The following CEP162 variants were observed in gnomAD, a reference collection of about 807,000 sequenced individuals.
CEP162 encodes centrosomal protein 162, also known as centrosomal protein of 162 kDa.
A neutral mutation model predicts 169.2 loss-of-function variants in CEP162; 141 were observed. The ratio of observed to expected loss-of-function variants is 0.83; its 90% confidence interval spans 0.73 to 0.96. CEP162 has a LOEUF of 0.96. Ranked by LOEUF, CEP162 falls within the 40% of genes least tolerant of loss-of-function variation. The pLI, the probability that CEP162 is intolerant of heterozygous loss-of-function variation, is 0.00. For missense variants in CEP162, 1,600 were observed against 1,587.2 expected (o/e 1.01, Z -0.14); for synonymous variants, 540 against 526.4 (o/e 1.03, Z -0.35).
In CEP162 at chr6:84,152,969, C is replaced by T. The variant is rs2099521712; in HGVS notation, c.3205G>A (p.Glu1069Lys). 1 of 1,613,602 alleles carries T rather than the reference C, an allele frequency of 6.2e-7. No individual in the cohort carries two copies. The highest frequency in any genetic ancestry group is 1.1e-5 in the South Asian group (1 of 91,064). ...LDVKKNDKDD[E>K]DFQSIEFQVE... ...TGGAATTCTATAGACTGAAAATCTT[C>T]ATCATCTTTATCATTTTTCTTGACG... Residue 1069 changes from glutamate (E) to lysine (K), a missense_variant, in exon 23 of 27, where the codon GAA becomes AAA. Coordinates refer to ENST00000403245, the MANE Select transcript of CEP162 (RefSeq NM_014895.4).
intron 25 of CEP162, among the ~76,000 whole-genome samples, chr6:84,135,386 C>T (rs563211047): frequency 7.9e-5 from 12 of 152,276 alleles, no homozygotes; most frequent in African/African-American, 2.9e-4. Context: ...AGACAGATAT[C>T]ACTGACTGCT....
Position 84,125,255 on chromosome 6 carries a change from C to A in CEP162, c.4027G>T (p.Val1343Leu). ...TCTTTGTTTTGCTCAGTTTCTACTA[C>A]TTGGTGTGTTTGCTGTATTATCTGC... ...LQQIIQQTHQ[V>L]VETEQNKEVE... is the part of the protein sequence containing the mutation. Residue 1343 changes from valine (V) to leucine (L), a missense_variant, in exon 27 of 27, where the codon GTA (valine) becomes TTA (leucine). By Grantham distance (32) the Val-to-Leu change is conservative. Transcript: ENST00000403245. 6.2e-7 allele frequency: 1 copy of A among 1,613,334 alleles called. No individual in the cohort carries two copies. The highest frequency in any genetic ancestry group is 8.5e-7 in the Non-Finnish European group (1 of 1,179,552).
intron 11 of CEP162, among the ~76,000 whole-genome samples, chr6:84,190,449 C>T (rs1024428875): frequency 3.9e-5 from 6 of 152,152 alleles, no homozygotes; most frequent in Admixed American, 6.5e-5. Flanking sequence ...TTCTTTCGCT[C>T]TTTGCAATAA....
At chr6:84,185,130 T>G in intron 13 of CEP162, 57 bp downstream of exon 13, 1 of 1,417,018 alleles carries the variant, frequency 7.1e-7, no homozygotes, top group Non-Finnish European at 9.7e-7. Flanking sequence ...ACCTTAATTC[T>G]CTTCCATGGA....
At chr6:84,193,230 C>T (rs1481206647) in intron 11 of CEP162, among the ~76,000 whole-genome samples, 3 of 152,202 alleles carry the variant, frequency 2.0e-5, no homozygotes, top group Non-Finnish European at 1.5e-5. Context: ...TGTGAGATGA[C>T]AGCCAGTCTG....
intron 25 of CEP162, among the ~76,000 whole-genome samples, chr6:84,136,205 T>C: frequency 6.6e-6 from 1 of 152,186 alleles, no homozygotes; most frequent in East Asian, 1.9e-4. Context: ...AGCTGTCCAG[T>C]TTTTCTTGGC....
chr6:84,171,517 A>G (rs2099530110), intron 17 of CEP162, 89 bp downstream of exon 17: 3 of 482,424 alleles, frequency 6.2e-6, no homozygotes, highest in African/African-American at 4.0e-5. Context: ...TACTATGTCT[A>G]AGTAAAAATA....
chr6:84,153,388 G>A (rs1588741015), intron 22 of CEP162, among the ~76,000 whole-genome samples: 1 of 152,050 alleles, frequency 6.6e-6, no homozygotes, highest in South Asian at 2.1e-4. Flanking sequence ...TATATGTTAT[G>A]TTATTTAATA....
At chr6:84,201,275 C>T (rs2099544363) in intron 8 of CEP162, among the ~76,000 whole-genome samples, 1 of 145,852 alleles carries the variant, frequency 6.9e-6, no homozygotes, top group African/African-American at 2.8e-5. Context: ...GAGAGTCTGT[C>T]TCACAAACAA....
chr6:84,139,258 A>G (rs2099515480), intron 25 of CEP162, among the ~76,000 whole-genome samples: 1 of 152,208 alleles, frequency 6.6e-6, no homozygotes. Context: ...CCATATATTT[A>G]CATTCCCACA....
At chr6:84,151,964 A>C (rs2099521289) in intron 23 of CEP162, among the ~76,000 whole-genome samples, 1 of 152,154 alleles carries the variant, frequency 6.6e-6, no homozygotes, top group Non-Finnish European at 1.5e-5. Flanking sequence ...GCTAAAAGAC[A>C]GGATTGGATT....
At chr6:84,133,668 C>A (rs956221555) in intron 25 of CEP162, among the ~76,000 whole-genome samples, 1 of 152,176 alleles carries the variant, frequency 6.6e-6, no homozygotes, top group East Asian at 1.9e-4. Context: ...CTGAGCCATG[C>A]GCGGGATATA....
Position 84,203,987 on chromosome 6 carries a change from G to T in CEP162, c.681C>A (p.Pro227=). The stretch of plus-strand genomic sequence containing the variant: ...ATATAATTGATATATATACCTGTTT[G>T]GGCACACTTATTTTTTCTGATTTGG... ...ENSKSEKISV[P]KQEEEKTGML... The change falls in exon 7 of 27, where the codon CCC becomes CCA. Residue 227 remains proline, a synonymous_variant. Transcript: ENST00000403245. The T allele has an allele frequency of 6.3e-7, 1 of 1,598,054 alleles. No individual in the cohort carries two copies. The highest frequency in any genetic ancestry group is 8.5e-7 in the Non-Finnish European group (1 of 1,170,352).
intron 1 of CEP162, among the ~76,000 whole-genome samples, chr6:84,227,131 C>G (rs1307349612): frequency 6.6e-6 from 1 of 152,160 alleles, no homozygotes; most frequent in Non-Finnish European, 1.5e-5. Flanking sequence ...CAACGGAAAG[C>G]GTTCCCCTAG....
intron 25 of CEP162, among the ~76,000 whole-genome samples, chr6:84,142,043 C>A (rs1175871882): frequency 6.6e-6 from 1 of 152,090 alleles, no homozygotes; most frequent in African/African-American, 2.4e-5. Flanking sequence ...ACTAAAACAA[C>A]CCCCACATAC....
intron 11 of CEP162, among the ~76,000 whole-genome samples, chr6:84,189,544 C>T (rs2127718467): frequency 6.6e-6 from 1 of 152,316 alleles, no homozygotes; most frequent in Non-Finnish European, 1.5e-5. Context: ...ACTGAGTCCC[C>T]CAGCAGTGCT....
chr6:84,170,323 G>A (rs1432402181), intron 17 of CEP162, among the ~76,000 whole-genome samples: 1 of 135,700 alleles, frequency 7.4e-6, no homozygotes, highest in Non-Finnish European at 1.5e-5. Context: ...GCAGTGAGCC[G>A]AGATTACGCC....
At chr6:84,190,459 A>C (rs1159305063) in intron 11 of CEP162, among the ~76,000 whole-genome samples, 1 of 152,096 alleles carries the variant, frequency 6.6e-6, no homozygotes, top group Non-Finnish European at 1.5e-5. Context: ...CTTTGCAATA[A>C]GTCTTGCTAC....
intron 11 of CEP162, among the ~76,000 whole-genome samples, chr6:84,191,650 A>T (rs1338449613): frequency 1.3e-5 from 2 of 152,186 alleles, no homozygotes; most frequent in Non-Finnish European, 2.9e-5. Flanking sequence ...CCTGATGGAG[A>T]GGACTGCACT....
Sources: gnomAD v4.1 joint callset for allele counts (sites outside exome capture counted in the v4.1 genomes callset) on GRCh38, gnomAD v4.1.1 for gene constraint, MANE v1.5 for transcripts, NCBI Gene and HGNC (gene_info 2026-07-23, HGNC 2026-07-21) for gene names.